The following RAI1 variants were observed in gnomAD, a reference collection of about 807,000 sequenced individuals.
RAI1 encodes the protein retinoic acid induced 1, also known as retinoic acid-induced protein 1.
A neutral mutation model predicts 123.8 loss-of-function variants in RAI1; 9 were observed. That is an observed-to-expected ratio of 0.07 (90% CI 0.04 to 0.13). The LOEUF (loss-of-function observed/expected upper bound fraction) is 0.13. Ranked by LOEUF, RAI1 falls within the 10% of genes least tolerant of loss-of-function variation. RAI1 has a pLI of 1.00. For missense variants in RAI1, 2,256 were observed against 2,545.8 expected, an observed-to-expected ratio of 0.89 and a Z score of 2.45; for synonymous variants, 1,231 against 1,127.3, an observed-to-expected ratio of 1.09 and a Z score of -1.84.
At chr17:17,686,615 G>GCA (rs1358519945) in intron 1 of RAI1, among the ~76,000 whole-genome samples, 1 of 148,568 alleles carries the variant, frequency 6.7e-6, no homozygotes, top group Non-Finnish European at 1.5e-5. Flanking sequence ...GTGTGCACGC[G>GCA]CGCGCCGGGG....
At chr17:17,746,475 A>C (rs1159642652) in intron 2 of RAI1, among the ~76,000 whole-genome samples, 1 of 152,056 alleles carries the variant, frequency 6.6e-6, no homozygotes, top group Non-Finnish European at 1.5e-5. Flanking sequence ...AGGAGCTACC[A>C]CCGTTCTCTG....
intron 2 of RAI1, chr17:17,779,630 A>T (rs539081745): frequency 3.3e-5 from 5 of 152,310 alleles, no homozygotes; most frequent in Admixed American, 2.0e-4. Context: ...ACCCATGTGG[A>T]CTTAGGCCTC....
At position 17,795,434 on chromosome 17, in the gene RAI1, C is replaced by T; in HGVS notation, c.2486C>T (p.Pro829Leu). 1 of 1,590,364 alleles carries T rather than the reference C, an allele frequency of 6.3e-7. No homozygotes were observed. Among genetic ancestry groups the T allele is most frequent in the Non-Finnish European group, 8.6e-7 (1 of 1,167,156 alleles). Residue 829 changes from proline to leucine, a missense_variant, in exon 3 of 6, where the codon CCC becomes CTC. By Grantham distance (98) the Pro-to-Leu change is moderately conservative. This residue lies in a region of RAI1 where 566 missense variants were observed against 616.0 expected (regional missense o/e 0.92). Coordinates refer to ENST00000353383, the MANE Select transcript of RAI1 (RefSeq NM_030665.4). The surrounding 1 kb of genome is among the most constrained non-coding windows in gnomAD (Gnocchi z 5.9). Reference protein sequence around the residue: ...KEEAGGLLQCPEVAKADRWLE... With the variant: ...KEEAGGLLQCLEVAKADRWLE... ...GAGGCAGGTGGGCTGCTGCAGTGCC[C>T]CGAGGTGGCCAAGGCTGACCGGTGG...
chr17:17,776,107 T>C (rs1342032957), intron 2 of RAI1, among the ~76,000 whole-genome samples: 1 of 152,242 alleles, frequency 6.6e-6, no homozygotes, highest in East Asian at 1.9e-4. Flanking sequence ...CTGATCCCTA[T>C]CTTGCGCATT....
At chr17:17,789,455 G>T (rs899610217) in intron 2 of RAI1, among the ~76,000 whole-genome samples, 1 of 152,220 alleles carries the variant, frequency 6.6e-6, no homozygotes, top group Non-Finnish European at 1.5e-5. Context: ...CCCCAGGTGT[G>T]TGCCACACTG....
intron 2 of RAI1, among the ~76,000 whole-genome samples, chr17:17,773,080 G>A (rs1477293768): frequency 7.2e-6 from 1 of 139,736 alleles, no homozygotes; most frequent in African/African-American, 2.6e-5. Context: ...TGGGTGGATG[G>A]ATGGATGGAT....
chr17:17,788,689 AGCT>A (rs2031913112), intron 2 of RAI1, among the ~76,000 whole-genome samples: 1 of 152,138 alleles, frequency 6.6e-6, no homozygotes, highest in Admixed American at 6.5e-5. Context: ...GTGGCCTCAG[AGCT>A]GCTGCTGGGG....
intron 2 of RAI1, 112 bp from the exon 3 acceptor site, chr17:17,792,821 T>C: frequency 2.2e-6 from 2 of 895,098 alleles, no homozygotes; most frequent in Non-Finnish European, 3.5e-6. Flanking sequence ...GGGAGGGTGC[T>C]TTCTGAGGCA....
chr17:17,710,912 G>C (rs761434921), intron 1 of RAI1, among the ~76,000 whole-genome samples: 1 of 152,232 alleles, frequency 6.6e-6, no homozygotes, highest in Non-Finnish European at 1.5e-5. Context: ...GAGCTCTCCT[G>C]AGGGCCCCCA....
chr17:17,726,713 A>ATTTT (rs1916101614), intron 2 of RAI1, among the ~76,000 whole-genome samples: 1 of 133,234 alleles, frequency 7.5e-6, no homozygotes, highest in East Asian at 2.1e-4. Context: ...GTAAAATAGC[A>ATTTT]TTCACAGAAA....
intron 2 of RAI1, among the ~76,000 whole-genome samples, chr17:17,736,117 G>A (rs1164313736): frequency 6.6e-6 from 1 of 152,178 alleles, no homozygotes; most frequent in African/African-American, 2.4e-5. Context: ...CTGGAGGATG[G>A]GGGGACATTT....
rs1282576071 is a variant in RAI1 at position 17,722,380 on chromosome 17, AC to A, written c.-148-1642del. Among the ~76,000 whole-genome samples the A allele has an allele frequency of 2.6e-5, 4 of 152,112 alleles. No homozygotes were observed. In the South Asian group the frequency reaches 8.3e-4, roughly 32 times the overall value. On this transcript the variant is annotated intron_variant, in intron 1 of 5. Coordinates refer to ENST00000353383, the MANE Select transcript of RAI1 (RefSeq NM_030665.4). ...TCGGCGCCCGCCAGCTGCACTCAGAACCCCCCTCACCGTGGCCCTGCCCTGT... is the reference window on the plus strand; with the variant it reads ...TCGGCGCCCGCCAGCTGCACTCAGAACCCCCTCACCGTGGCCCTGCCCTGT...
chr17:17,693,563 G>A (rs778502204), intron 1 of RAI1, among the ~76,000 whole-genome samples: 4 of 152,236 alleles, frequency 2.6e-5, no homozygotes, highest in Non-Finnish European at 5.9e-5. Flanking sequence ...CTGGGGAGGT[G>A]GATTCAAGGA....
intron 4 of RAI1, among the ~76,000 whole-genome samples, chr17:17,805,529 C>T (rs2143005570): frequency 1.3e-5 from 2 of 152,304 alleles, no homozygotes; most frequent in African/African-American, 4.8e-5. Flanking sequence ...GCTACTGCCT[C>T]CCGTCCTCAC....
At position 17,800,180 on chromosome 17, in the gene RAI1, G is replaced by GTCTCTCTCTGTC. The variant is rs1555566532; in HGVS notation, c.5565+1676_5565+1677insGTCTCTCTCTCT. On this transcript the variant is annotated intron_variant, in intron 3 of 5. Coordinates refer to ENST00000353383, the MANE Select transcript of RAI1 (RefSeq NM_030665.4). This position sits in a 1 kb window ranked among gnomAD's most constrained non-coding sequence, Gnocchi z 4.7. ...TCTCTCCTGCTTTCTGTCTCTCTCT[G>GTCTCTCTCTGTC]TCTCTCTCTCTCTCTCTCTCTCTCT... 0.03 allele frequency among the ~76,000 whole-genome samples: 3,471 copies of GTCTCTCTCTGTC among 115,856 alleles called. 178 individuals are homozygous for GTCTCTCTCTGTC. The highest frequency in any genetic ancestry group is 0.049 in the Non-Finnish European group (2,486 of 50,876). The allele number at this position is 115,856 out of a possible 152,430, so 76.0% of individuals were successfully genotyped here.
chr17:17,740,830 C>T (rs1385994562), intron 2 of RAI1, among the ~76,000 whole-genome samples: 1 of 152,194 alleles, frequency 6.6e-6, no homozygotes, highest in African/African-American at 2.4e-5. Context: ...CAGAACAAAG[C>T]AGGCTGTGCT....
rs902232283 is a variant in RAI1, at chr17:17,704,801, A to T, written c.-148-19227A>T. ...GAGATGTCCTTAGAGATGTTGGCCA[A>T]AGTTTCCAGTTCCCCACCCTCCCAA... On this transcript the variant is annotated intron_variant, in intron 1 of 5. Coordinates refer to ENST00000353383, the MANE Select transcript of RAI1 (RefSeq NM_030665.4). Among the ~76,000 whole-genome samples, 4 of 148,654 alleles carry T rather than the reference A, an allele frequency of 2.7e-5. No individual in the cohort carries two copies. In the South Asian group the frequency reaches 8.8e-4, roughly 33 times the overall value.
chr17:17,716,258 C>G (rs1915708535), intron 1 of RAI1, among the ~76,000 whole-genome samples: 1 of 152,186 alleles, frequency 6.6e-6, no homozygotes, highest in Non-Finnish European at 1.5e-5. Context: ...GGTTAAGCCA[C>G]CCAGAGATAC....
In RAI1 at chr17:17,809,970, A is replaced by G; in HGVS notation, c.5710A>G (p.Arg1904Gly). The G allele has an allele frequency of 6.4e-7, 1 of 1,553,520 alleles. No homozygotes were observed. The highest frequency in any genetic ancestry group is 1.2e-5 in the South Asian group (1 of 84,384). ...ACTGGCGGGCGGGCGTCTTTTGCAG[A>G]GGCTGCCGTAGTAATCCACCCCAAC... ...NFSLKCPKHK[R>G]LP Residue 1904 changes from arginine (R) to glycine (G), a missense_variant and splice_region_variant, in exon 6 of 6, where the codon AGG (arginine) becomes GGG (glycine). By Grantham distance (125) the Arg-to-Gly change is moderately radical. Coordinates refer to ENST00000353383, the MANE Select transcript of RAI1 (RefSeq NM_030665.4). This position sits in a 1 kb window ranked among gnomAD's most constrained non-coding sequence, Gnocchi z 4.9.
Sources: gnomAD v4.1 joint callset for allele counts (sites outside exome capture counted in the v4.1 genomes callset) on GRCh38, gnomAD v4.1.1 for gene constraint, gnomAD v4.1.1 regional missense constraint, Gnocchi (gnomAD v3.1) non-coding constraint, MANE v1.5 for transcripts, NCBI Gene and HGNC (gene_info 2026-07-23, HGNC 2026-07-21) for gene names.